Variants in ATP9A observed in about 807,000 individuals in gnomAD.
ATP9A encodes the protein ATPase phospholipid transporting 9A.
In ATP9A, 52 loss-of-function variants were observed where a neutral mutation model predicts 144.1. The observed-to-expected ratio is 0.36, with a 90% CI of 0.29 to 0.45. The LOEUF (loss-of-function observed/expected upper bound fraction) is 0.45, where lower values mean the gene tolerates loss of function less well. Among genes scored for constraint, ATP9A ranks in the 20% least tolerant of loss-of-function variants. The probability of loss-of-function intolerance (pLI) is 1.00; values close to 1 mark genes in which losing one functional copy is unlikely to be tolerated. For missense variants in ATP9A, 947 were observed against 1,392.7 expected (o/e 0.68, Z 5.09); for synonymous variants, 582 against 557.4 (o/e 1.04, Z -0.62).
At chr20:51,705,819 A>G (rs2122840423) in intron 4 of ATP9A, among the ~76,000 whole-genome samples, 1 of 152,204 alleles carries the variant, frequency 6.6e-6, no homozygotes, top group Non-Finnish European at 1.5e-5. Context: ...TTCCAATCCA[A>G]CCCAATTCTC....
intron 14 of ATP9A, among the ~76,000 whole-genome samples, chr20:51,648,034 T>C (rs1039577084): frequency 3.9e-5 from 6 of 152,130 alleles, no homozygotes; most frequent in Non-Finnish European, 1.5e-5. Flanking sequence ...CCTTACCCCT[T>C]GGGTCCAAGG....
chr20:51,749,664 T>C (rs924946119), intron 1 of ATP9A, among the ~76,000 whole-genome samples: 2 of 152,152 alleles, frequency 1.3e-5, no homozygotes, highest in Non-Finnish European at 2.9e-5. Flanking sequence ...AGATGCATGG[T>C]TTTTTTGATA....
At chr20:51,731,884 A>G (rs892545627) in intron 1 of ATP9A, among the ~76,000 whole-genome samples, 2 of 152,114 alleles carry the variant, frequency 1.3e-5, no homozygotes, top group Non-Finnish European at 2.9e-5. Flanking sequence ...ATTGCTATAT[A>G]AAGGAAAAGG....
At chr20:51,608,740 G>T in intron 24 of ATP9A, 114 bp from the exon 25 acceptor site, 1 of 713,362 alleles carries the variant, frequency 1.4e-6, no homozygotes, top group Admixed American at 2.1e-5. Context: ...TTTACTGCTT[G>T]TCTATTATGC....
intron 19 of ATP9A, among the ~76,000 whole-genome samples, chr20:51,619,461 G>A (rs1249511126): frequency 6.6e-6 from 1 of 151,894 alleles, no homozygotes; most frequent in Non-Finnish European, 1.5e-5. Context: ...TACTTGGGAG[G>A]CTGAGGCAGG....
chr20:51,638,071 T>TTATTTA (rs2077300968), intron 15 of ATP9A, among the ~76,000 whole-genome samples: 34 of 34,164 alleles, frequency 1.0e-3, no homozygotes, highest in South Asian at 1.4e-3. Context: ...TTTCATCATT[T>TTATTTA]TATATATATA....
In ATP9A at chr20:51,714,192, G is replaced by A. The variant is rs8124814; in HGVS notation, c.328-1118C>T. Among the ~76,000 whole-genome samples, 1,259 of 149,530 alleles carry A rather than the reference G, an allele frequency of 8.4e-3. 17 individuals are homozygous for A. Among genetic ancestry groups the A allele is most frequent in the African/African-American group, 0.029 (1,179 of 40,770 alleles). On this transcript the variant is annotated intron_variant, in intron 3 of 27. Coordinates refer to ENST00000338821, the MANE Select transcript of ATP9A (RefSeq NM_006045.3). ...AGTGCTGGGATTACAGGGCTTTTTT[G>A]TTTGTTTTGAGATAGGGTCTCGCTC...
At chr20:51,720,691 G>A (rs946696577) in intron 3 of ATP9A, among the ~76,000 whole-genome samples, 1 of 152,098 alleles carries the variant, frequency 6.6e-6, no homozygotes, top group Non-Finnish European at 1.5e-5. Context: ...AAAATTAGCC[G>A]GGTGTGGTAG....
intron 9 of ATP9A, among the ~76,000 whole-genome samples, chr20:51,683,421 C>T (rs967769201): frequency 2.0e-5 from 3 of 149,526 alleles, no homozygotes; most frequent in East Asian, 2.1e-4. Context: ...CCCACCACCA[C>T]GCCCAGCTGA....
intron 4 of ATP9A, among the ~76,000 whole-genome samples, chr20:51,698,908 G>T (rs1385053402): frequency 6.6e-6 from 1 of 152,202 alleles, no homozygotes; most frequent in Non-Finnish European, 1.5e-5. Flanking sequence ...CTGTGAGGGA[G>T]CCCAGAGAGG....
chr20:51,739,026 T>G lies in ATP9A; in HGVS notation c.69-9048A>C, dbSNP rs150228564. On this transcript the variant is annotated intron_variant, in intron 1 of 27. Coordinates refer to ENST00000338821, the MANE Select transcript of ATP9A (RefSeq NM_006045.3). ...ATCGCTTGAACCTGGGAGGCGGAGGTTGCAGTGAGCTGAGATCACACCACT... is the reference window on the plus strand; with the variant it reads ...ATCGCTTGAACCTGGGAGGCGGAGGGTGCAGTGAGCTGAGATCACACCACT... Among the ~76,000 whole-genome samples, 1,073 of 151,894 alleles carry G rather than the reference T, an allele frequency of 7.1e-3. 8 individuals are homozygous for G. Among genetic ancestry groups the G allele is most frequent in the African/African-American group, 0.024 (998 of 41,406 alleles).
chr20:51,760,625 G>A (rs919786029), intron 1 of ATP9A, among the ~76,000 whole-genome samples: 2 of 151,940 alleles, frequency 1.3e-5, no homozygotes, highest in African/African-American at 2.4e-5. Flanking sequence ...TACTTGGGAG[G>A]CTGAGGCAGG....
intron 3 of ATP9A, among the ~76,000 whole-genome samples, chr20:51,717,831 G>A (rs1008847116): frequency 1.4e-4 from 21 of 152,134 alleles, no homozygotes; most frequent in African/African-American, 4.8e-4. Flanking sequence ...GCGCATGCCT[G>A]TAATCTCAGC....
intron 1 of ATP9A, among the ~76,000 whole-genome samples, chr20:51,767,217 G>A (rs1385649886): frequency 6.6e-6 from 1 of 151,696 alleles, no homozygotes; most frequent in Non-Finnish European, 1.5e-5. Context: ...CCAGACGCCC[G>A]AGGAAGGGCG....
intron 9 of ATP9A, among the ~76,000 whole-genome samples, chr20:51,684,017 C>CAAAAACT (rs1451322196): frequency 3.3e-5 from 5 of 152,052 alleles, no homozygotes; most frequent in African/African-American, 1.2e-4. Flanking sequence ...AACCCTGTCT[C>CAAAAACT]TACAAAAAAT....
chr20:51,625,296 T>A lies in ATP9A; in HGVS notation c.1912A>T (p.Ser638Cys). 1.2e-6 allele frequency: 2 copies of A among 1,614,168 alleles called. No homozygotes were observed. The highest frequency in any genetic ancestry group is 1.7e-6 in the Non-Finnish European group (2 of 1,180,016). Reference protein sequence around the residue: ...RSLKVATVIESLEMEMELLCL... With the variant: ...RSLKVATVIECLEMEMELLCL... ...AGCAGTTCCATCTCCATCTCCAGGC[T>A]CTCGATCACCGTGGCCACTTTGAGG... The change falls in exon 18 of 28, where the codon AGC becomes TGC. Residue 638 changes from serine (S) to cysteine (C), a missense_variant. Physicochemically the swap from Ser to Cys is moderately radical, Grantham distance 112. This residue lies in a region of ATP9A where 770 missense variants were observed against 1,047.9 expected (regional missense o/e 0.73). Coordinates refer to ENST00000338821, the MANE Select transcript of ATP9A (RefSeq NM_006045.3).
chr20:51,628,683 G>A (rs2077259278), intron 16 of ATP9A, among the ~76,000 whole-genome samples: 1 of 152,244 alleles, frequency 6.6e-6, no homozygotes. Flanking sequence ...AACTGAGCTT[G>A]CTCACAAATG....
rs142243655 is a variant in ATP9A, at chr20:51,734,771, G to A, written c.69-4793C>T. On this transcript the variant is annotated intron_variant, in intron 1 of 27. Coordinates refer to ENST00000338821, the MANE Select transcript of ATP9A (RefSeq NM_006045.3). ...AGAAGTACAAGAAGAAGTGCATGAA[G>A]AAGATGCAGGCCAACACCACCAAGG... 2.9e-3 allele frequency: 617 copies of A among 215,110 alleles called. 9 individuals carry two copies. The highest frequency in any genetic ancestry group is 0.013 in the African/African-American group (585 of 43,440). The allele number at this position is 215,110 out of a possible 1,614,324, so 13.3% of individuals were successfully genotyped here.
intron 13 of ATP9A, among the ~76,000 whole-genome samples, chr20:51,660,455 C>G (rs1014202770): frequency 5.3e-5 from 8 of 152,214 alleles, no homozygotes; most frequent in Admixed American, 1.3e-4. Context: ...AGGCCTCACT[C>G]AGGAGACCAT....
Sources: allele counts gnomAD v4.1 joint callset (sites outside exome capture counted in the v4.1 genomes callset), GRCh38; gene constraint gnomAD v4.1.1; regional missense constraint gnomAD v4.1.1; transcripts MANE v1.5; gene names NCBI Gene and HGNC (gene_info 2026-07-23, HGNC 2026-07-21).